Variants in PTPN5 observed in about 807,000 individuals in gnomAD.
The protein encoded by PTPN5 is protein tyrosine phosphatase non-receptor type 5, also known as tyrosine-protein phosphatase non-receptor type 5.
PTPN5 carries 29 observed loss-of-function variants against 73.9 expected under a neutral mutation model. That is an observed-to-expected ratio of 0.39 (90% CI 0.29 to 0.54). The LOEUF (loss-of-function observed/expected upper bound fraction) is 0.54, where lower values mean the gene tolerates loss of function less well. Ranked by LOEUF, PTPN5 falls within the 20% of genes least tolerant of loss-of-function variation. The pLI is 0.65. For synonymous variants in PTPN5, 267 were observed against 304.7 expected, an observed-to-expected ratio of 0.88 and a Z score of 1.29; for missense variants, 652 against 751.4, an observed-to-expected ratio of 0.87 and a Z score of 1.55.
rs928392312 is a variant in PTPN5, at chr11:18,732,626, G to A, written c.1295C>T (p.Thr432Met). The change falls in exon 12 of 15, where the codon ACG becomes ATG. Residue 432 changes from threonine (T) to methionine (M), a missense_variant. Thr to Met is a moderately conservative substitution (Grantham distance 81, BLOSUM62 -1). Coordinates refer to ENST00000358540, the MANE Select transcript of PTPN5 (RefSeq NM_006906.2). ...GATGAGTCGCAGCCGGTAATCCTCC[G>A]TGTGAATGACTTTCTGCACAGTGAT... ...VEITVQKVIH[T>M]EDYRLRLISL... 35 of 1,613,794 alleles carry A rather than the reference G, an allele frequency of 2.2e-5. No individual in the cohort carries two copies. The highest frequency in any genetic ancestry group is 2.0e-4 in the East Asian group (9 of 44,884).
chr11:18,746,534 A>G (rs1383441497), intron 3 of PTPN5, among the ~76,000 whole-genome samples: 2 of 152,054 alleles, frequency 1.3e-5, no homozygotes, highest in African/African-American at 4.8e-5. Context: ...AACACCTAGC[A>G]TAGTGTTCAG....
chr11:18,745,283 C>T (rs943478821), intron 3 of PTPN5, among the ~76,000 whole-genome samples: 2 of 152,220 alleles, frequency 1.3e-5, no homozygotes, highest in African/African-American at 2.4e-5. Context: ...GACAACAGAA[C>T]CATGTGGGCC....
intron 1 of PTPN5, 117 bp from the exon 2 acceptor site, chr11:18,772,188 C>T: frequency 1.9e-6 from 1 of 528,886 alleles, no homozygotes; most frequent in Non-Finnish European, 3.3e-6. Flanking sequence ...CCTTTCTCCT[C>T]CCCTGGTGCC....
chr11:18,758,440 C>T (rs1850246585), intron 3 of PTPN5, among the ~76,000 whole-genome samples: 1 of 152,258 alleles, frequency 6.6e-6, no homozygotes, highest in Middle Eastern at 3.4e-3. Flanking sequence ...AAAGCTTTCT[C>T]CGACATTCTA....
chr11:18,778,911 C>A (rs773175641), intron 1 of PTPN5, among the ~76,000 whole-genome samples: 1 of 152,246 alleles, frequency 6.6e-6, no homozygotes, highest in Non-Finnish European at 1.5e-5. Context: ...TTTCATGCCT[C>A]TGGTTTCATC....
At chr11:18,773,898 G>A (rs4073242) in intron 1 of PTPN5, among the ~76,000 whole-genome samples, 2,138 of 152,196 alleles carry the variant, frequency 0.014, 46 homozygotes, top group African/African-American at 0.049. Context: ...ATTTCAGACC[G>A]TAACTGCCTC....
chr11:18,782,988 C>G (rs1166439293), intron 1 of PTPN5, among the ~76,000 whole-genome samples: 1 of 152,260 alleles, frequency 6.6e-6, no homozygotes, highest in East Asian at 1.9e-4. Context: ...TTTGGTAAGA[C>G]AGGGCTCTGT....
At position 18,742,844 on chromosome 11, in the gene PTPN5, C is replaced by T; in HGVS notation, c.483+148G>A. 2.9e-6 allele frequency: 2 copies of T among 681,944 alleles called. No homozygotes were observed. Among genetic ancestry groups the T allele is most frequent in the South Asian group, 3.8e-5 (2 of 52,656 alleles). 42.2% of individuals were successfully genotyped at this position (681,944 alleles called of 1,614,324 possible). On this transcript the variant is annotated intron_variant, in intron 6 of 14. Transcript: ENST00000358540. The surrounding 1 kb of genome is among the most constrained non-coding windows in gnomAD (Gnocchi z 4.1). ...TTCGGAAAGAAGGAGGCTCTTGCCC[C>T]AGGCTGGCACACTTGTGCAAAGAGA... is the stretch of plus-strand genomic sequence containing the variant.
At chr11:18,735,808 G>A (rs4756961) in intron 9 of PTPN5, among the ~76,000 whole-genome samples, 78,394 of 151,350 alleles carry the variant, frequency 0.52, 20,490 homozygotes, top group Middle Eastern at 0.63. Flanking sequence ...TGAGGATTAC[G>A]AGGGTGACAA....
At chr11:18,760,780 A>G (rs962088618) in intron 3 of PTPN5, among the ~76,000 whole-genome samples, 9 of 152,326 alleles carry the variant, frequency 5.9e-5, no homozygotes, top group Admixed American at 1.3e-4. Flanking sequence ...TCTTCTGTCC[A>G]TGGCACTCCC....
rs552432709 is a variant in PTPN5 at position 18,791,055 on chromosome 11, G to C, written c.-114+470C>G. On this transcript the variant is annotated intron_variant, in intron 1 of 14. Transcript: ENST00000358540. The stretch of plus-strand genomic sequence containing the variant: ...CTAAGCTTGTATTCTAGGGGAGGGT[G>C]GGACGCGGGAGGCTAAAGCTAAAGG... Among the ~76,000 whole-genome samples, 4 of 152,306 alleles carry C rather than the reference G, an allele frequency of 2.6e-5. No homozygotes were observed. In the South Asian group the frequency reaches 8.3e-4, roughly 32 times the overall value.
At chr11:18,746,195 A>ATATATATTT (rs377606416) in intron 3 of PTPN5, among the ~76,000 whole-genome samples, 1 of 114,038 alleles carries the variant, frequency 8.8e-6, no homozygotes, top group South Asian at 2.7e-4. Flanking sequence ...ATATATATAC[A>ATATATATTT]TTTTTTTTTT....
intron 3 of PTPN5, among the ~76,000 whole-genome samples, chr11:18,761,775 T>C (rs1452854220): frequency 6.6e-6 from 1 of 151,702 alleles, no homozygotes; most frequent in African/African-American, 2.4e-5. Flanking sequence ...AAGGAGGGAA[T>C]GAGAGAGCAA....
chr11:18,767,546 G>A (rs969494986), intron 2 of PTPN5, among the ~76,000 whole-genome samples: 8 of 152,104 alleles, frequency 5.3e-5, no homozygotes, highest in African/African-American at 1.7e-4. Flanking sequence ...GCATCCACTC[G>A]GGCTGGCCTC....
chr11:18,737,888 A>G lies in PTPN5; in HGVS notation c.992T>C (p.Ile331Thr). 1.9e-6 allele frequency: 3 copies of G among 1,613,796 alleles called. No homozygotes were observed. The highest frequency in any genetic ancestry group is 1.7e-6 in the Non-Finnish European group (2 of 1,179,732). Residue 331 changes from isoleucine (I) to threonine (T), a missense_variant, in exon 9 of 15, where the codon ATA becomes ACA. This residue lies in a region of PTPN5 where 529 missense variants were observed against 573.9 expected (regional missense o/e 0.92). Coordinates refer to ENST00000358540, the MANE Select transcript of PTPN5 (RefSeq NM_006906.2). ...GGACAGTGAGTACTCACTGGGAAGT[A>G]TGGTTTTGTACCGGTTCTTCCGCAC... ...GLVRKNRYKT[I>T]LPNPHSRVCL...
intron 3 of PTPN5, among the ~76,000 whole-genome samples, chr11:18,763,257 C>T (rs1431592982): frequency 1.3e-5 from 2 of 152,218 alleles, no homozygotes; most frequent in African/African-American, 2.4e-5. Context: ...CTGGAACAAA[C>T]GCACCTAAAC....
chr11:18,788,411 T>C (rs1851766875), intron 1 of PTPN5, among the ~76,000 whole-genome samples: 1 of 152,128 alleles, frequency 6.6e-6, no homozygotes. Flanking sequence ...TCCATCCCCT[T>C]ACCCAACCTT....
At chr11:18,768,082 C>G (rs185451934) in intron 2 of PTPN5, among the ~76,000 whole-genome samples, 4 of 152,326 alleles carry the variant, frequency 2.6e-5, no homozygotes, top group Non-Finnish European at 5.9e-5. Flanking sequence ...TTCAAAGCCT[C>G]GCACAGTGCC....
At chr11:18,758,140 C>T (rs1437868530) in intron 3 of PTPN5, among the ~76,000 whole-genome samples, 2 of 152,176 alleles carry the variant, frequency 1.3e-5, no homozygotes, top group Non-Finnish European at 2.9e-5. Flanking sequence ...AGAGGATGTG[C>T]TGGTGGATGA....
Sources: allele counts gnomAD v4.1 joint callset (sites outside exome capture counted in the v4.1 genomes callset), GRCh38; gene constraint gnomAD v4.1.1; regional missense constraint gnomAD v4.1.1; non-coding constraint Gnocchi (gnomAD v3.1); transcripts MANE v1.5; gene names NCBI Gene and HGNC (gene_info 2026-07-23, HGNC 2026-07-21).